Variants in L3MBTL4 observed in about 807,000 individuals in gnomAD.
The protein encoded by L3MBTL4 is lethal(3)malignant brain tumor-like protein 4.
A neutral mutation model predicts 84.5 loss-of-function variants in L3MBTL4; 70 were observed. The ratio of observed to expected loss-of-function variants is 0.83; its 90% confidence interval spans 0.68 to 1.01. The LOEUF is 1.01. Among genes scored for constraint, L3MBTL4 ranks in the 50% least tolerant of loss-of-function variants. The pLI is 0.00. For synonymous variants in L3MBTL4, 274 were observed against 259.8 expected (o/e 1.05, Z -0.52); for missense variants, 715 against 754.8 (o/e 0.95, Z 0.62).
intron 9 of L3MBTL4, among the ~76,000 whole-genome samples, chr18:6,239,280 G>T (rs958651876): frequency 1.4e-5 from 2 of 146,936 alleles, no homozygotes; most frequent in Non-Finnish European, 3.0e-5. Context: ...GGCGAAGCTT[G>T]CAGTGAGCCG....
chr18:6,025,601 A>G (rs1029200180), intron 16 of L3MBTL4, among the ~76,000 whole-genome samples: 4 of 152,124 alleles, frequency 2.6e-5, no homozygotes, highest in African/African-American at 9.7e-5. Flanking sequence ...CTATATTCTA[A>G]AACAGTGGTT....
chr18:6,145,120 C>T (rs1287907378), intron 13 of L3MBTL4, among the ~76,000 whole-genome samples: 2 of 151,926 alleles, frequency 1.3e-5, no homozygotes, highest in African/African-American at 4.8e-5. Flanking sequence ...ACTCAAGTTG[C>T]GTATGTATTT....
chr18:6,314,862 G>T (rs2051014203), intron 1 of L3MBTL4, among the ~76,000 whole-genome samples: 2 of 152,242 alleles, frequency 1.3e-5, no homozygotes, highest in Middle Eastern at 3.4e-3. Flanking sequence ...GGTACCTTGA[G>T]GAATATGAAG....
chr18:6,129,799 TG>T (rs2059818889), intron 14 of L3MBTL4, among the ~76,000 whole-genome samples: 1 of 152,188 alleles, frequency 6.6e-6, no homozygotes, highest in East Asian at 1.9e-4. Flanking sequence ...TACTGAGTTG[TG>T]TGTGGCCTAA....
At chr18:6,141,798 C>T (rs755635217) in intron 13 of L3MBTL4, among the ~76,000 whole-genome samples, 1 of 152,238 alleles carries the variant, frequency 6.6e-6, no homozygotes, top group African/African-American at 2.4e-5. Context: ...GCAACCAGAG[C>T]AATCTTTTCA....
At chr18:6,349,955 T>C (rs2053102512) in intron 1 of L3MBTL4, among the ~76,000 whole-genome samples, 1 of 152,204 alleles carries the variant, frequency 6.6e-6, no homozygotes, top group Non-Finnish European at 1.5e-5. Context: ...CACTACACTG[T>C]ATTCTTACAT....
chr18:6,398,841 A>G (rs1427349958), intron 1 of L3MBTL4, among the ~76,000 whole-genome samples: 1 of 152,096 alleles, frequency 6.6e-6, no homozygotes, highest in Admixed American at 6.5e-5. Flanking sequence ...CCCAGGCACC[A>G]TGAGCCACCA....
intron 16 of L3MBTL4, among the ~76,000 whole-genome samples, chr18:6,004,283 T>A (rs184085218): frequency 2.6e-5 from 4 of 152,140 alleles, no homozygotes; most frequent in Non-Finnish European, 5.9e-5. Flanking sequence ...ACAGATGATA[T>A]GGACAAATTC....
chr18:6,269,373 C>A (rs1363766276), intron 4 of L3MBTL4, among the ~76,000 whole-genome samples: 1 of 152,000 alleles, frequency 6.6e-6, no homozygotes, highest in African/African-American at 2.4e-5. Flanking sequence ...AGGAGAATGG[C>A]GTGAACCCGG....
At chr18:5,959,645 C>T (rs1260607583) in intron 18 of L3MBTL4, among the ~76,000 whole-genome samples, 1 of 152,094 alleles carries the variant, frequency 6.6e-6, no homozygotes, top group African/African-American at 2.4e-5. Context: ...AGACAAATCC[C>T]CAATCTTTCC....
At chr18:6,253,557 C>T (rs566666123) in intron 5 of L3MBTL4, among the ~76,000 whole-genome samples, 65 of 152,268 alleles carry the variant, frequency 4.3e-4, no homozygotes, top group Admixed American at 1.3e-3. Context: ...TAAGGTGGTG[C>T]CCACATTTCA....
At chr18:6,067,577 A>G (rs1315334022) in intron 16 of L3MBTL4, among the ~76,000 whole-genome samples, 1 of 152,148 alleles carries the variant, frequency 6.6e-6, no homozygotes, top group East Asian at 1.9e-4. Context: ...AGTCTATTGA[A>G]GAAACTTTTC....
intron 1 of L3MBTL4, among the ~76,000 whole-genome samples, chr18:6,321,874 A>AATG: frequency 6.6e-6 from 1 of 152,222 alleles, no homozygotes; most frequent in South Asian, 2.1e-4. Flanking sequence ...TCTGTGGTAT[A>AATG]ATGACCTTTG....
At chr18:6,210,024 T>C (rs1381497096) in intron 12 of L3MBTL4, among the ~76,000 whole-genome samples, 1 of 152,144 alleles carries the variant, frequency 6.6e-6, no homozygotes, top group Admixed American at 6.5e-5. Flanking sequence ...TGGCTGCTAA[T>C]GGGTACAAGG....
At chr18:6,220,939 G>A (rs901730920) in intron 10 of L3MBTL4, among the ~76,000 whole-genome samples, 1 of 152,074 alleles carries the variant, frequency 6.6e-6, no homozygotes, top group Non-Finnish European at 1.5e-5. Flanking sequence ...ACTGGCTAAT[G>A]TTCCAACAGC....
chr18:6,285,237 G>A (rs774390744), intron 4 of L3MBTL4, among the ~76,000 whole-genome samples: 37 of 152,212 alleles, frequency 2.4e-4, no homozygotes, highest in Non-Finnish European at 4.9e-4. Context: ...TGGATGCCAG[G>A]GAGGGGTTGG....
chr18:5,975,817 C>T (rs894994222), intron 16 of L3MBTL4, among the ~76,000 whole-genome samples: 30 of 152,344 alleles, frequency 2.0e-4, no homozygotes, highest in African/African-American at 7.0e-4. Context: ...TCAGCACATG[C>T]TGTTTCTTAG....
intron 13 of L3MBTL4, among the ~76,000 whole-genome samples, chr18:6,143,537 G>T (rs1420338343): frequency 1.3e-5 from 2 of 152,280 alleles, no homozygotes; most frequent in Non-Finnish European, 2.9e-5. Flanking sequence ...CTAAGATAAA[G>T]GAAACCTACC....
At chr18:5,994,276 T>C (rs1277461972) in intron 16 of L3MBTL4, among the ~76,000 whole-genome samples, 7 of 152,232 alleles carry the variant, frequency 4.6e-5, no homozygotes, top group Non-Finnish European at 8.8e-5. Context: ...GTGAGCTGCG[T>C]GGAGGCTGGG....
Sources: allele counts gnomAD v4.1 joint callset (sites outside exome capture counted in the v4.1 genomes callset), GRCh38; gene constraint gnomAD v4.1.1; transcripts MANE v1.5; gene names NCBI Gene and HGNC (gene_info 2026-07-23, HGNC 2026-07-21).